RIMS2: variants seen among roughly 807,000 people sequenced by gnomAD.
RIMS2 encodes regulating synaptic membrane exocytosis 2, also known as regulating synaptic membrane exocytosis protein 2.
Under a neutral mutation model 174.4 loss-of-function variants are expected in RIMS2, and 59 were observed. That is an observed-to-expected ratio of 0.34 (90% CI 0.27 to 0.42). The LOEUF is 0.42. RIMS2 is among the 10% of genes least tolerant of loss of function. RIMS2 has a pLI of 1.00. For missense variants in RIMS2, 1,620 were observed against 1,666.3 expected, an observed-to-expected ratio of 0.97 and a Z score of 0.48; for synonymous variants, 606 against 572.5, an observed-to-expected ratio of 1.06 and a Z score of -0.84.
chr8:103,531,184 G>A (rs754694100), intron 1 of RIMS2, among the ~76,000 whole-genome samples: 1 of 151,856 alleles, frequency 6.6e-6, no homozygotes, highest in Non-Finnish European at 1.5e-5. Context: ...TATCTTTAAT[G>A]TGCACACTAA....
chr8:103,946,536 G>A lies in RIMS2; in HGVS notation c.2701+3610G>A, dbSNP rs145885712. Among the ~76,000 whole-genome samples the A allele has an allele frequency of 1.5e-3, 225 of 151,944 alleles. 1 individual carries two copies. The highest frequency in any genetic ancestry group is 5.0e-3 in the African/African-American group (207 of 41,442). ...CAAAAACAAAACAACAAAAAAATAA[G>A]AATGAATTAAATTTTACAAAAGATG... On this transcript the variant is annotated intron_variant, in intron 14 of 23. Coordinates refer to ENST00000504942, the Ensembl canonical transcript of RIMS2.
chr8:103,779,944 T>C (rs34273302), intron 3 of RIMS2, among the ~76,000 whole-genome samples: 17,588 of 151,810 alleles, frequency 0.12, 1,347 homozygotes, highest in Non-Finnish European at 0.17. Flanking sequence ...TATAAATGCA[T>C]GGGTTTATGT....
At chr8:103,608,801 C>T (rs2095254453) in intron 1 of RIMS2, among the ~76,000 whole-genome samples, 1 of 152,218 alleles carries the variant, frequency 6.6e-6, no homozygotes, top group African/African-American at 2.4e-5. Context: ...AGGGAACTCC[C>T]TGATCCGTTG....
intron 3 of RIMS2, among the ~76,000 whole-genome samples, chr8:103,868,409 C>A (rs1015048275): frequency 6.6e-6 from 1 of 151,938 alleles, no homozygotes; most frequent in Non-Finnish European, 1.5e-5. Context: ...TCTTTACTCT[C>A]TGGATTTTTT....
At chr8:104,187,855 G>A (rs1399095889) in intron 19 of RIMS2, among the ~76,000 whole-genome samples, 2 of 151,654 alleles carry the variant, frequency 1.3e-5, no homozygotes, top group Non-Finnish European at 3.0e-5. Flanking sequence ...CCTCTTAACA[G>A]TGGATACTTT....
At chr8:103,792,420 G>T (rs535269816) in intron 3 of RIMS2, among the ~76,000 whole-genome samples, 1 of 151,954 alleles carries the variant, frequency 6.6e-6, no homozygotes, top group Non-Finnish European at 1.5e-5. Context: ...ACACTTAAAA[G>T]AGTGTGTAGA....
At chr8:103,863,380 A>G (rs115034437) in intron 3 of RIMS2, among the ~76,000 whole-genome samples, 4,729 of 152,078 alleles carry the variant, frequency 0.031, 221 homozygotes, top group African/African-American at 0.11. Flanking sequence ...TTTTGCCTCT[A>G]TGTTCATCAA....
intron 19 of RIMS2, among the ~76,000 whole-genome samples, chr8:104,197,512 T>G (rs1013183121): frequency 6.6e-6 from 1 of 152,250 alleles, no homozygotes; most frequent in East Asian, 1.9e-4. Flanking sequence ...TCAGGTAGAA[T>G]AAGTTGTATG....
intron 3 of RIMS2, among the ~76,000 whole-genome samples, chr8:103,868,075 C>T (rs1000862516): frequency 6.6e-6 from 1 of 151,926 alleles, no homozygotes; most frequent in Non-Finnish European, 1.5e-5. Flanking sequence ...ATTTATTAGA[C>T]ATCTTTTGTA....
intron 2 of RIMS2, among the ~76,000 whole-genome samples, chr8:103,738,787 G>A (rs547612283): frequency 5.9e-5 from 9 of 151,998 alleles, no homozygotes; most frequent in East Asian, 1.9e-4. Context: ...AATGCTCATC[G>A]TCACTGGCCA....
chr8:103,998,676 T>G lies in RIMS2; in HGVS notation c.3044+9255T>G, dbSNP rs376013781. ...AGAGTAGAGGAATCTGTCCTTGAAG[T>G]GCTTAGGTTGAACTGATTTGTTTGT... On this transcript the variant is annotated intron_variant, in intron 17 of 23. Transcript: ENST00000504942. Among the ~76,000 whole-genome samples the G allele has an allele frequency of 4.0e-5, 6 of 151,764 alleles. No homozygotes were observed. In the East Asian group the frequency reaches 9.6e-4, roughly 24 times the overall value.
intron 16 of RIMS2, among the ~76,000 whole-genome samples, chr8:103,985,130 C>G (rs2094241834): frequency 6.6e-6 from 1 of 152,002 alleles, no homozygotes; most frequent in South Asian, 2.1e-4. Flanking sequence ...GATAGCACAA[C>G]AGGGTGACTA....
chr8:104,196,889 T>C (rs12678347), intron 19 of RIMS2, among the ~76,000 whole-genome samples: 30,954 of 152,086 alleles, frequency 0.2, 3,405 homozygotes, highest in Middle Eastern at 0.26. Flanking sequence ...TATTGAAAAG[T>C]TTATAAACTT....
Position 104,068,658 on chromosome 8 carries a change from G to A in RIMS2, c.3334+54043G>A, listed in dbSNP as rs201167627. ...AAAGTTGTAAAATAATCAATCATAT[G>A]AAACAGTTAGATTCTTTTAAACTAC... On this transcript the variant is annotated intron_variant, in intron 19 of 23. Transcript: ENST00000504942. 257 of 929,362 alleles carry A rather than the reference G, an allele frequency of 2.8e-4. 2 individuals are homozygous for A. Among genetic ancestry groups the A allele is most frequent in the Admixed American group, 1.4e-4 (7 of 49,734 alleles). 57.6% of individuals were successfully genotyped at this position (929,362 alleles called of 1,614,324 possible).
chr8:103,580,004 G>T (rs566590361), intron 1 of RIMS2, among the ~76,000 whole-genome samples: 1 of 152,046 alleles, frequency 6.6e-6, no homozygotes, highest in East Asian at 1.9e-4. Context: ...ATCCGCCCCC[G>T]TGATCCAATC....
At chr8:103,881,881 T>C (rs2099168933) in intron 3 of RIMS2, among the ~76,000 whole-genome samples, 1 of 151,382 alleles carries the variant, frequency 6.6e-6, no homozygotes, top group Non-Finnish European at 1.5e-5. Context: ...AAATATAAAG[T>C]GAATATAAAT....
intron 19 of RIMS2, among the ~76,000 whole-genome samples, chr8:104,068,120 T>G (rs2154561269): frequency 6.6e-6 from 1 of 152,306 alleles, no homozygotes; most frequent in African/African-American, 2.4e-5. Context: ...GAAAGCAACT[T>G]ATAACTTTAA....
chr8:103,701,457 T>C (rs954788514), intron 2 of RIMS2, among the ~76,000 whole-genome samples: 2 of 152,136 alleles, frequency 1.3e-5, no homozygotes, highest in Non-Finnish European at 2.9e-5. Flanking sequence ...CCCAGCTATT[T>C]TGAAATATAC....
chr8:103,600,240 A>G (rs2094665136), intron 1 of RIMS2, among the ~76,000 whole-genome samples: 1 of 150,746 alleles, frequency 6.6e-6, no homozygotes, highest in Non-Finnish European at 1.5e-5. Context: ...GTAGTACTCC[A>G]TTGTGTATAA....
Sources: allele counts gnomAD v4.1 joint callset (sites outside exome capture counted in the v4.1 genomes callset), GRCh38; gene constraint gnomAD v4.1.1; transcripts MANE v1.5; gene names NCBI Gene and HGNC (gene_info 2026-07-23, HGNC 2026-07-21).